PRKAR2B: variants seen among roughly 807,000 people sequenced by gnomAD.
PRKAR2B encodes the protein protein kinase cAMP-dependent type II regulatory subunit beta, also known as cAMP-dependent protein kinase type II-beta regulatory subunit.
Under a neutral mutation model 49.9 loss-of-function variants are expected in PRKAR2B, and 14 were observed. The observed-to-expected ratio is 0.28, with a 90% confidence interval of 0.19 to 0.44. PRKAR2B has a LOEUF of 0.44. Among genes scored for constraint, PRKAR2B ranks in the 20% least tolerant of loss-of-function variants. The probability of loss-of-function intolerance (pLI) is 1.00; values close to 1 mark genes in which losing one functional copy is unlikely to be tolerated. For missense variants in PRKAR2B, 393 were observed against 537.9 expected (o/e 0.73, Z 2.67); for synonymous variants, 196 against 197.7 (o/e 0.99, Z 0.07).
At chr7:107,050,822 C>G (rs1295967964) in intron 1 of PRKAR2B, among the ~76,000 whole-genome samples, 1 of 152,090 alleles carries the variant, frequency 6.6e-6, no homozygotes, top group African/African-American at 2.4e-5. Flanking sequence ...AGAAATGATT[C>G]GTCTTACATT....
At chr7:107,108,446 G>A (rs1164994218) in intron 2 of PRKAR2B, among the ~76,000 whole-genome samples, 1 of 152,160 alleles carries the variant, frequency 6.6e-6, no homozygotes, top group East Asian at 1.9e-4. Flanking sequence ...ACAAGGACAT[G>A]GCAGGCGTGC....
In PRKAR2B at chr7:107,112,003, C is replaced by CAAAA. The variant is rs71134251; in HGVS notation, c.344-9928_344-9925dup. ...GCAATATAGCAAGAGCCTCCTCTAC[C>CAAAA]AAAAAAAAAAAAAAAAAAAAAAAAG... On this transcript the variant is annotated intron_variant, in intron 2 of 10. Transcript: ENST00000265717. Among the ~76,000 whole-genome samples the CAAAA allele has an allele frequency of 4.5e-3, 206 of 46,156 alleles. 9 individuals carry two copies. Among genetic ancestry groups the CAAAA allele is most frequent in the African/African-American group, 0.017 (184 of 10,760 alleles). The allele number at this position is 46,156 out of a possible 152,430, so 30.3% of individuals were successfully genotyped here. A position where few individuals can be genotyped will look rare whatever the true frequency, so the allele number is the denominator to read the frequency against.
intron 4 of PRKAR2B, among the ~76,000 whole-genome samples, chr7:107,131,547 A>G (rs866376232): frequency 1.3e-5 from 2 of 152,226 alleles, no homozygotes; most frequent in African/African-American, 2.4e-5. Flanking sequence ...AAAAACATCC[A>G]GTTTCTGAAT....
At chr7:107,057,355 T>C (rs1178357640) in intron 1 of PRKAR2B, among the ~76,000 whole-genome samples, 1 of 152,160 alleles carries the variant, frequency 6.6e-6, no homozygotes, top group African/African-American at 2.4e-5. Context: ...TGTACTGTGA[T>C]GTCATTCTTT....
At chr7:107,129,451 G>A (rs1232658287) in intron 4 of PRKAR2B, among the ~76,000 whole-genome samples, 2 of 152,094 alleles carry the variant, frequency 1.3e-5, no homozygotes, top group African/African-American at 4.8e-5. Flanking sequence ...TTGTATCTTT[G>A]CATCACTCTG....
rs762750038 is a variant in PRKAR2B at position 107,146,339 on chromosome 7, G to A, written c.619G>A (p.Gly207Ser). 4.3e-6 allele frequency: 7 copies of A among 1,613,980 alleles called. No homozygotes were observed. In the African/African-American group the frequency reaches 5.3e-5, roughly 12 times the overall value. ...GTFDIYVKCDGVGRCVGNYDN... is the reference protein window; with the variant it reads ...GTFDIYVKCDSVGRCVGNYDN... ...ATTTGATATTTATGTGAAATGTGAT[G>A]GTGTTGGAAGATGTGTTGGTAACTA... The change falls in exon 6 of 11, where the codon GGT becomes AGT. Residue 207 changes from glycine (G) to serine (S), a missense_variant. By Grantham distance (56) the Gly-to-Ser change is moderately conservative. Transcript: ENST00000265717.
At chr7:107,049,316 G>C (rs767041747) in intron 1 of PRKAR2B, among the ~76,000 whole-genome samples, 1 of 152,178 alleles carries the variant, frequency 6.6e-6, no homozygotes, top group Non-Finnish European at 1.5e-5. Context: ...AGAAAATAAA[G>C]AGCTGATTTT....
intron 1 of PRKAR2B, 200 bp from the exon 2 acceptor site, chr7:107,070,081 A>G: frequency 2.2e-6 from 1 of 446,108 alleles, no homozygotes; most frequent in South Asian, 3.1e-5. Context: ...TTTAATAGGT[A>G]AAATACTGAT....
chr7:107,073,541 C>T (rs1294489612), intron 2 of PRKAR2B, among the ~76,000 whole-genome samples: 1 of 152,112 alleles, frequency 6.6e-6, no homozygotes, highest in East Asian at 1.9e-4. Flanking sequence ...GAATAGGACC[C>T]AATTTTACTG....
intron 2 of PRKAR2B, among the ~76,000 whole-genome samples, chr7:107,074,361 C>T (rs1396440566): frequency 6.6e-6 from 1 of 152,050 alleles, no homozygotes; most frequent in Non-Finnish European, 1.5e-5. Context: ...GCCTTGGCCT[C>T]CCAAAGTGCT....
intron 2 of PRKAR2B, among the ~76,000 whole-genome samples, chr7:107,117,496 C>T (rs1332153741): frequency 6.6e-6 from 1 of 152,146 alleles, no homozygotes; most frequent in African/African-American, 2.4e-5. Flanking sequence ...TTTATTCCTT[C>T]AGCATATACT....
chr7:107,076,269 C>T (rs898500152), intron 2 of PRKAR2B, among the ~76,000 whole-genome samples: 2 of 152,116 alleles, frequency 1.3e-5, no homozygotes, highest in South Asian at 2.1e-4. Context: ...AACATCGATA[C>T]GATACTATTA....
chr7:107,090,244 C>T (rs1794711572), intron 2 of PRKAR2B, among the ~76,000 whole-genome samples: 2 of 152,194 alleles, frequency 1.3e-5, no homozygotes, highest in Non-Finnish European at 2.9e-5. Flanking sequence ...ATCTCTCCAT[C>T]TCTTGCCTCT....
intron 1 of PRKAR2B, among the ~76,000 whole-genome samples, chr7:107,058,813 C>T (rs954662146): frequency 4.6e-5 from 7 of 152,078 alleles, no homozygotes; most frequent in African/African-American, 7.2e-5. Context: ...CTGATAGTAT[C>T]GGAGCATAGT....
intron 2 of PRKAR2B, among the ~76,000 whole-genome samples, chr7:107,071,124 G>A (rs1040732103): frequency 1.3e-5 from 2 of 152,182 alleles, no homozygotes; most frequent in African/African-American, 4.8e-5. Flanking sequence ...GACAAATGAA[G>A]TGAGGGTAAT....
intron 6 of PRKAR2B, 81 bp downstream of exon 6, chr7:107,146,542 A>C (rs1584452821): frequency 7.0e-7 from 1 of 1,432,712 alleles, no homozygotes; most frequent in East Asian, 2.4e-5. Context: ...CGCATGTAGT[A>C]TTTTAATTTA....
intron 2 of PRKAR2B, 58 bp from the exon 3 acceptor site, chr7:107,121,894 C>T (rs1795395558): frequency 1.9e-6 from 2 of 1,067,352 alleles, no homozygotes; most frequent in African/African-American, 3.2e-5. Flanking sequence ...ACGATGTACT[C>T]ATTGTAGTAT....
intron 3 of PRKAR2B, among the ~76,000 whole-genome samples, chr7:107,122,945 A>G (rs1265204133): frequency 1.3e-5 from 2 of 152,216 alleles, no homozygotes. Flanking sequence ...CATGAAGTTT[A>G]TAAATCCTAG....
At chr7:107,056,268 CT>C (rs768616558) in intron 1 of PRKAR2B, among the ~76,000 whole-genome samples, 49 of 152,104 alleles carry the variant, frequency 3.2e-4, no homozygotes, top group Non-Finnish European at 1.0e-4. Flanking sequence ...CAGCTTTGTT[CT>C]TTTGGCTTAG....
Sources: allele counts gnomAD v4.1 joint callset (sites outside exome capture counted in the v4.1 genomes callset), GRCh38; gene constraint gnomAD v4.1.1; transcripts MANE v1.5; gene names NCBI Gene and HGNC (gene_info 2026-07-23, HGNC 2026-07-21).